The following PTPRD variants were observed in gnomAD, a reference collection of about 807,000 sequenced individuals.
PTPRD encodes protein tyrosine phosphatase receptor type D.
In PTPRD, 34 loss-of-function variants were observed where a neutral mutation model predicts 214.5. That is an observed-to-expected ratio of 0.16 (90% confidence interval 0.12 to 0.21). PTPRD has a LOEUF of 0.21. PTPRD is among the 10% of genes least tolerant of loss of function. The pLI is 1.00. For missense variants in PTPRD, 2,545 were observed against 2,398.7 expected, an observed-to-expected ratio of 1.06 and a Z score of -1.27; for synonymous variants, 1,128 against 845.7, an observed-to-expected ratio of 1.33 and a Z score of -5.79.
At chr9:9,021,609 C>A (rs1267223937) in intron 10 of PTPRD, among the ~76,000 whole-genome samples, 1 of 151,936 alleles carries the variant, frequency 6.6e-6, no homozygotes, top group Admixed American at 6.6e-5. Flanking sequence ...GCATTGCTGT[C>A]GTAGGAGATG....
intron 10 of PTPRD, among the ~76,000 whole-genome samples, chr9:9,146,375 T>G (rs190578888): frequency 6.6e-6 from 1 of 152,260 alleles, no homozygotes; most frequent in African/African-American, 2.4e-5. Context: ...AGGGTATCAT[T>G]TTAAATGCAA....
chr9:8,385,061 T>G (rs79310333), intron 37 of PTPRD, among the ~76,000 whole-genome samples: 1,680 of 152,286 alleles, frequency 0.011, 43 homozygotes, highest in African/African-American at 0.038. Flanking sequence ...CTTATAAGGG[T>G]TTCTTTAGCC....
chr9:9,751,606 C>T (rs1768892), intron 6 of PTPRD, among the ~76,000 whole-genome samples: 86,920 of 151,914 alleles, frequency 0.57, 27,445 homozygotes, highest in African/African-American at 0.85. Context: ...ACTTATCCAA[C>T]ATAACTAGCG....
chr9:9,920,460 T>C (rs1046654775), intron 5 of PTPRD, among the ~76,000 whole-genome samples: 4 of 152,160 alleles, frequency 2.6e-5, no homozygotes, highest in Non-Finnish European at 5.9e-5. Context: ...AGGGAGGCTT[T>C]AGCTTCATTA....
intron 11 of PTPRD, among the ~76,000 whole-genome samples, chr9:8,781,971 T>TC (rs1303834474): frequency 6.6e-6 from 1 of 150,926 alleles, no homozygotes; most frequent in East Asian, 1.9e-4. Flanking sequence ...ATCCTCAATT[T>TC]CTTTTTTTTT....
At chr9:8,498,339 G>A (rs1256837660) in intron 25 of PTPRD, among the ~76,000 whole-genome samples, 7 of 152,004 alleles carry the variant, frequency 4.6e-5, no homozygotes, top group Admixed American at 4.6e-4. Flanking sequence ...GCAGTGGTGC[G>A]ATCTTGGCTC....
At chr9:9,205,710 C>T (rs553743661) in intron 9 of PTPRD, among the ~76,000 whole-genome samples, 1 of 152,256 alleles carries the variant, frequency 6.6e-6, no homozygotes, top group South Asian at 2.1e-4. Flanking sequence ...CAAGTCAATA[C>T]AGTATAACTA....
rs1487699652 is a variant in PTPRD, at chr9:10,248,878, C to T, written c.-545+92085G>A. 2.6e-5 allele frequency among the ~76,000 whole-genome samples: 4 copies of T among 150,948 alleles called. No homozygotes were observed. In the East Asian group the frequency reaches 7.8e-4, roughly 30 times the overall value. ...CTTATGCACAGAGGTGATATTTTAT[C>T]TTTTTTTTAGCAATATTGATACTAG... On this transcript the variant is annotated intron_variant, in intron 3 of 45. Transcript: ENST00000381196.
At chr9:9,141,812 CA>C (rs1180943004) in intron 10 of PTPRD, among the ~76,000 whole-genome samples, 1 of 146,136 alleles carries the variant, frequency 6.8e-6, no homozygotes, top group African/African-American at 2.5e-5. Flanking sequence ...TAGTTATTAA[CA>C]AAGTTTCTGG....
chr9:9,804,056 G>A (rs2099058366), intron 5 of PTPRD, among the ~76,000 whole-genome samples: 2 of 152,106 alleles, frequency 1.3e-5, no homozygotes, highest in African/African-American at 4.8e-5. Context: ...TAGTGTGTGA[G>A]TTATTTTTTT....
intron 8 of PTPRD, among the ~76,000 whole-genome samples, chr9:9,457,494 A>G (rs114108158): frequency 0.017 from 2,535 of 151,982 alleles, 55 homozygotes; most frequent in African/African-American, 0.057. Flanking sequence ...AAAATTAAAC[A>G]CTCTGAATAT....
chr9:8,909,389 C>T (rs2098731190), intron 11 of PTPRD, among the ~76,000 whole-genome samples: 2 of 152,090 alleles, frequency 1.3e-5, no homozygotes, highest in African/African-American at 4.8e-5. Context: ...AATCTACCCA[C>T]ATAAAAATGA....
At chr9:10,171,928 T>A (rs2099210353) in intron 3 of PTPRD, among the ~76,000 whole-genome samples, 1 of 152,200 alleles carries the variant, frequency 6.6e-6, no homozygotes. Context: ...AATCACTCTA[T>A]TATTTAGGTA....
chr9:8,373,042 G>A (rs1415466588), intron 39 of PTPRD, among the ~76,000 whole-genome samples: 1 of 151,874 alleles, frequency 6.6e-6, no homozygotes, highest in Non-Finnish European at 1.5e-5. Flanking sequence ...ACTATTTTTT[G>A]TGATTATGTG....
intron 11 of PTPRD, among the ~76,000 whole-genome samples, chr9:8,849,984 G>C (rs973531713): frequency 1.3e-5 from 2 of 152,102 alleles, no homozygotes; most frequent in African/African-American, 4.8e-5. Context: ...GAAATAAAGT[G>C]AAAAGATTAC....
At chr9:8,496,717 T>C (rs1489056981) in intron 26 of PTPRD, among the ~76,000 whole-genome samples, 1 of 152,190 alleles carries the variant, frequency 6.6e-6, no homozygotes, top group East Asian at 1.9e-4. Flanking sequence ...TTATGAGCAT[T>C]ATGAGCAGCC....
chr9:9,265,030 A>C (rs1204967880), intron 9 of PTPRD, among the ~76,000 whole-genome samples: 1 of 151,748 alleles, frequency 6.6e-6, no homozygotes, highest in Admixed American at 6.6e-5. Flanking sequence ...GCTTACAAGA[A>C]ATGCTAAAGC....
chr9:8,490,152 T>G (rs989498518), intron 27 of PTPRD, among the ~76,000 whole-genome samples: 1 of 151,778 alleles, frequency 6.6e-6, no homozygotes, highest in South Asian at 2.1e-4. Flanking sequence ...CTCAGGGGAG[T>G]TGGAAGGTCA....
At chr9:9,405,261 T>C (rs1354012413) in intron 8 of PTPRD, among the ~76,000 whole-genome samples, 1 of 152,130 alleles carries the variant, frequency 6.6e-6, no homozygotes, top group Non-Finnish European at 1.5e-5. Flanking sequence ...TATTTTTCTC[T>C]TTATTTGATC....
Sources: allele counts gnomAD v4.1 joint callset (sites outside exome capture counted in the v4.1 genomes callset), GRCh38; gene constraint gnomAD v4.1.1; transcripts MANE v1.5; gene names NCBI Gene and HGNC (gene_info 2026-07-23, HGNC 2026-07-21).